The following DMXL1 variants were observed in gnomAD, a reference collection of about 807,000 sequenced individuals.
DMXL1 encodes dmX-like protein 1.
In DMXL1, 99 loss-of-function variants were observed where a neutral mutation model predicts 319.2. The ratio of observed to expected loss-of-function variants is 0.31; its 90% CI spans 0.26 to 0.37. The LOEUF is 0.37. Among genes scored for constraint, DMXL1 ranks in the 10% least tolerant of loss-of-function variants. DMXL1 has a pLI of 1.00. For synonymous variants in DMXL1, 1,385 were observed against 1,235.2 expected (o/e 1.12, Z -2.54); for missense variants, 3,745 against 3,595.6 (o/e 1.04, Z -1.06).
At chr5:119,130,300 C>T (rs907508501) in intron 10 of DMXL1, among the ~76,000 whole-genome samples, 2 of 151,458 alleles carry the variant, frequency 1.3e-5, no homozygotes, top group Non-Finnish European at 2.9e-5. Flanking sequence ...TGTGGGTGTG[C>T]ATTTTTATAC....
intron 2 of DMXL1, among the ~76,000 whole-genome samples, chr5:119,099,369 C>T (rs991693353): frequency 4.6e-5 from 7 of 152,028 alleles, no homozygotes; most frequent in African/African-American, 1.5e-4. Context: ...CGCCATCATA[C>T]CCGGCTAATT....
At chr5:119,184,960 C>T (rs1194529144) in intron 28 of DMXL1, among the ~76,000 whole-genome samples, 1 of 152,176 alleles carries the variant, frequency 6.6e-6, no homozygotes, top group Non-Finnish European at 1.5e-5. Flanking sequence ...AGGGCAGTGA[C>T]TTCAGGCTTT....
At chr5:119,156,650 A>T (rs1421809481) in intron 19 of DMXL1, among the ~76,000 whole-genome samples, 4 of 151,320 alleles carry the variant, frequency 2.6e-5, no homozygotes, top group African/African-American at 9.7e-5. Context: ...TTTTGTTTTT[A>T]AATTTTTTCT....
intron 10 of DMXL1, among the ~76,000 whole-genome samples, chr5:119,132,042 A>G (rs1467150877): frequency 1.3e-5 from 2 of 152,254 alleles, no homozygotes; most frequent in East Asian, 1.9e-4. Flanking sequence ...ATTGTACAAT[A>G]CTTAATGGCT....
Position 119,105,574 on chromosome 5 carries a change from G to A in DMXL1, c.364+316G>A, listed in dbSNP as rs773332322. ...AACAGACTTTAGCAATGAGAGTTGG[G>A]TAGATGGAACAGGAAAAAAGTGAAA... On this transcript the variant is annotated intron_variant, in intron 4 of 43. Transcript: ENST00000539542. Among the ~76,000 whole-genome samples, 5 of 152,202 alleles carry A rather than the reference G, an allele frequency of 3.3e-5. 1 individual carries two copies. In the South Asian group the frequency reaches 1.0e-3, roughly 32 times the overall value.
At chr5:119,136,805 A>G (rs113963452) in intron 13 of DMXL1, among the ~76,000 whole-genome samples, 4,583 of 152,366 alleles carry the variant, frequency 0.03, 216 homozygotes, top group African/African-American at 0.1. Context: ...GCAACCACCT[A>G]GATTTCAGAG....
At chr5:119,105,399 A>G in intron 4 of DMXL1, 141 bp downstream of exon 4, 1 of 630,840 alleles carries the variant, frequency 1.6e-6, no homozygotes, top group Non-Finnish European at 2.8e-6. Context: ...ATGCCCTTTT[A>G]GAGTTTATAC....
chr5:119,079,101 G>A (rs1751626373), intron 1 of DMXL1, among the ~76,000 whole-genome samples: 1 of 151,946 alleles, frequency 6.6e-6, no homozygotes, highest in South Asian at 2.1e-4. Flanking sequence ...ACCTCAAATG[G>A]GACCTCAAAG....
chr5:119,241,534 CA>C (rs35739845), intron 42 of DMXL1, among the ~76,000 whole-genome samples: 3,184 of 57,552 alleles, frequency 0.055, 29 homozygotes, highest in Non-Finnish European at 0.089. Context: ...GACTCCGTCT[CA>C]AAAAAAAAAA....
intron 1 of DMXL1, 106 bp from the exon 2 acceptor site, chr5:119,097,872 TA>T: frequency 9.2e-7 from 1 of 1,082,294 alleles, no homozygotes; most frequent in South Asian, 1.7e-5. Context: ...ATTGGTCTTT[TA>T]AAACATTTAT....
intron 10 of DMXL1, among the ~76,000 whole-genome samples, chr5:119,131,692 T>C (rs1333513208): frequency 6.6e-6 from 1 of 152,256 alleles, no homozygotes; most frequent in Non-Finnish European, 1.5e-5. Flanking sequence ...GAAGCCAGTT[T>C]ACTTATTTTC....
intron 33 of DMXL1, among the ~76,000 whole-genome samples, chr5:119,205,337 C>T (rs553977251): frequency 6.6e-6 from 1 of 152,106 alleles, no homozygotes; most frequent in African/African-American, 2.4e-5. Context: ...ATAGTCAAGC[C>T]AGAGTACGTA....
At chr5:119,218,931 C>T (rs141548317) in intron 35 of DMXL1, among the ~76,000 whole-genome samples, 31 of 152,176 alleles carry the variant, frequency 2.0e-4, no homozygotes, top group African/African-American at 7.5e-4. Context: ...TTAAAACTAA[C>T]AGTTAGCTTT....
chr5:119,222,372 A>C (rs139014201), intron 37 of DMXL1, among the ~76,000 whole-genome samples: 271 of 152,312 alleles, frequency 1.8e-3, no homozygotes, highest in African/African-American at 6.4e-3. Context: ...TTGAAAAGCA[A>C]TCTAGTAATT....
chr5:119,092,859 T>C (rs1432288292), intron 1 of DMXL1, among the ~76,000 whole-genome samples: 1 of 152,262 alleles, frequency 6.6e-6, no homozygotes, highest in African/African-American at 2.4e-5. Context: ...TAATATTCCA[T>C]TGTATGGATA....
chr5:119,120,670 C>G (rs1761848674), intron 8 of DMXL1, among the ~76,000 whole-genome samples: 4 of 152,120 alleles, frequency 2.6e-5, no homozygotes, highest in Non-Finnish European at 5.9e-5. Flanking sequence ...AAATTTTTAA[C>G]ATTTGATTTT....
At chr5:119,150,900 G>GC (rs570593643) in intron 18 of DMXL1, among the ~76,000 whole-genome samples, 1,654 of 148,834 alleles carry the variant, frequency 0.011, 13 homozygotes, top group Non-Finnish European at 0.018. Flanking sequence ...CTCTTAATAT[G>GC]CACTATTTAT....
chr5:119,085,052 G>C (rs1753054429), intron 1 of DMXL1, among the ~76,000 whole-genome samples: 1 of 151,774 alleles, frequency 6.6e-6, no homozygotes, highest in Admixed American at 6.6e-5. Context: ...ATTCCAGCTG[G>C]TCACAGGGGC....
In DMXL1 at chr5:119,197,872, G is replaced by A. The variant is rs1424270257; in HGVS notation, c.7661G>A (p.Ser2554Asn). ...GGGCCACCTCAAAATTATATCGCAA[G>A]TCATACCGCCGAAGAGAGTTTGTCT... ...HGGPPQNYIA[S>N]HTAEESLSAG... The change falls in exon 32 of 44, where the codon AGT becomes AAT. Residue 2554 changes from serine (S) to asparagine (N), a missense_variant. Coordinates refer to ENST00000539542, the MANE Select transcript of DMXL1 (RefSeq NM_001290321.3). 3 of 1,614,036 alleles carry A rather than the reference G, an allele frequency of 1.9e-6. No individual in the cohort carries two copies. The highest frequency in any genetic ancestry group is 8.5e-7 in the Non-Finnish European group (1 of 1,180,032).
Sources: allele counts gnomAD v4.1 joint callset (sites outside exome capture counted in the v4.1 genomes callset), GRCh38; gene constraint gnomAD v4.1.1; transcripts MANE v1.5; gene names NCBI Gene and HGNC (gene_info 2026-07-23, HGNC 2026-07-21).